WBP2NL: variants seen among roughly 807,000 people sequenced by gnomAD.
WBP2NL encodes the protein postacrosomal sheath WW domain-binding protein.
A neutral mutation model predicts 23.3 loss-of-function variants in WBP2NL; 27 were observed. The observed-to-expected ratio is 1.16, with a 90% CI of 0.85 to 1.60. The LOEUF (loss-of-function observed/expected upper bound fraction) is 1.60. WBP2NL is among the 40% of genes most tolerant of loss of function. WBP2NL has a pLI of 0.00. For missense variants in WBP2NL, 370 were observed against 389.5 expected, an observed-to-expected ratio of 0.95 and a Z score of 0.42; for synonymous variants, 151 against 145.9, an observed-to-expected ratio of 1.03 and a Z score of -0.25.
intron 8 of WBP2NL, chr22:42,058,287 C>T (rs531180193): frequency 6.6e-6 from 1 of 152,060 alleles, no homozygotes; most frequent in East Asian, 1.9e-4. Flanking sequence ...AATTTCCTTT[C>T]AGATACTCTA....
At chr22:42,054,195 A>T (rs560827755) in intron 8 of WBP2NL, among the ~76,000 whole-genome samples, 24 of 150,256 alleles carry the variant, frequency 1.6e-4, no homozygotes, top group South Asian at 8.4e-4. Flanking sequence ...TAAAAAAAAA[A>T]TTTTTTTTTT....
At chr22:42,056,951 G>A (rs963286778) in intron 8 of WBP2NL, among the ~76,000 whole-genome samples, 4 of 152,104 alleles carry the variant, frequency 2.6e-5, no homozygotes, top group Non-Finnish European at 5.9e-5. Context: ...AGACTCCCTT[G>A]TGTGATGAGT....
intron 8 of WBP2NL, among the ~76,000 whole-genome samples, chr22:42,044,486 C>T (rs76100143): frequency 0.028 from 4,212 of 152,252 alleles, 189 homozygotes; most frequent in African/African-American, 0.096. Context: ...AACCAAATTT[C>T]GTTCTTTGAA....
At chr22:42,015,378 G>C (rs1317881934) in intron 1 of WBP2NL, among the ~76,000 whole-genome samples, 1 of 152,034 alleles carries the variant, frequency 6.6e-6, no homozygotes, top group Non-Finnish European at 1.5e-5. Flanking sequence ...TTACAACTCT[G>C]CCTTCACCTT....
chr22:42,011,003 C>G (rs73418933), intron 1 of WBP2NL, among the ~76,000 whole-genome samples: 7,653 of 152,166 alleles, frequency 0.05, 630 homozygotes, highest in African/African-American at 0.17. Flanking sequence ...AGTGTATAGT[C>G]CTTTTAATGT....
At chr22:42,009,400 C>T (rs539985910) in intron 1 of WBP2NL, among the ~76,000 whole-genome samples, 6 of 152,116 alleles carry the variant, frequency 3.9e-5, no homozygotes, top group African/African-American at 1.2e-4. Context: ...TCCAATGTCA[C>T]GAAGATTTTC....
Position 42,037,997 on chromosome 22 carries a change from T to G in WBP2NL, c.*273+7174T>G, listed in dbSNP as rs1925254491. On this transcript the variant is annotated intron_variant and NMD_transcript_variant, in intron 8 of 8. Coordinates refer to the WBP2NL transcript ENST00000436265. ...CTTGCCTGATTGCCCTGGCTATGAC[T>G]TCCAGTACTATGTTGATTAACAGTG... Among the ~76,000 whole-genome samples the G allele has an allele frequency of 2.6e-5, 4 of 152,298 alleles. No homozygotes were observed. In the South Asian group the frequency reaches 8.3e-4, roughly 32 times the overall value.
In WBP2NL at chr22:42,021,235, TA is replaced by T. The variant is rs1923947839; in HGVS notation, c.407-1012del. Among the ~76,000 whole-genome samples the T allele has an allele frequency of 3.3e-5, 5 of 151,984 alleles. No individual in the cohort carries two copies. The South Asian group carries it at 1.0e-3, about 32-fold the overall frequency. ...ACGCCTGGCCGGTCCTTGCGATCTT[TA>T]ACCCATGGCTTCCATGGCCTCTTTG... On this transcript the variant is annotated intron_variant, in intron 4 of 5. Coordinates refer to ENST00000328823, the MANE Select transcript of WBP2NL (RefSeq NM_152613.3).
In WBP2NL at chr22:42,027,251, AG is replaced by A. The variant is rs1395249539; in HGVS notation, c.*72del. On this transcript the variant is annotated 3_prime_UTR_variant, in exon 6 of 6. Coordinates refer to ENST00000328823, the MANE Select transcript of WBP2NL (RefSeq NM_152613.3). ...CCCTAAAATTGAAGTCAGGATAAGGAGGACGACTCAGGTATGTGATCACAGG... is the reference window on the plus strand; with the variant it reads ...CCCTAAAATTGAAGTCAGGATAAGGAGACGACTCAGGTATGTGATCACAGG... 19 of 1,515,778 alleles carry A rather than the reference AG, an allele frequency of 1.3e-5. No homozygotes were observed. The East Asian group carries it at 4.1e-4, about 33-fold the overall frequency. The allele number at this position is 1,515,778 out of a possible 1,614,324, so 93.9% of individuals were successfully genotyped here.
At position 42,020,058 on chromosome 22, in the gene WBP2NL, T is replaced by C. The variant is rs1298839631; in HGVS notation, c.368T>C (p.Ile123Thr). The C allele has an allele frequency of 1.9e-6, 3 of 1,614,146 alleles. No individual in the cohort carries two copies. Among genetic ancestry groups the C allele is most frequent in the Non-Finnish European group, 2.5e-6 (3 of 1,179,996 alleles). Residue 123 changes from isoleucine (I) to threonine (T), a missense_variant, in exon 4 of 6, where the codon ATT becomes ACT. Physicochemically the swap from Ile to Thr is moderately conservative, Grantham distance 89. Coordinates refer to ENST00000328823, the MANE Select transcript of WBP2NL (RefSeq NM_152613.3). Reference protein sequence around the residue: ...FKLVFRNGDAIEFAQLMVKAA... With the variant: ...FKLVFRNGDATEFAQLMVKAA... ...TTAGTCTTCAGAAATGGAGATGCCA[T>C]TGAATTTGCCCAGTTGATGGTGAAA...
At chr22:42,049,952 G>C (rs779705992) in intron 8 of WBP2NL, among the ~76,000 whole-genome samples, 1 of 142,244 alleles carries the variant, frequency 7.0e-6, no homozygotes. Flanking sequence ...ACTCCGGCCT[G>C]GGCAAAGAAG....
intron 4 of WBP2NL, 147 bp from the exon 5 acceptor site, chr22:42,022,102 T>C (rs1924033881): frequency 9.0e-6 from 6 of 667,290 alleles, no homozygotes; most frequent in Non-Finnish European, 1.3e-5. Context: ...ACCCAGCCCA[T>C]GTTTCTTTTT....
intron 5 of WBP2NL, among the ~76,000 whole-genome samples, chr22:42,026,224 A>G (rs983933058): frequency 1.3e-5 from 2 of 151,346 alleles, no homozygotes; most frequent in African/African-American, 4.8e-5. Flanking sequence ...GTGAGCCAAG[A>G]TCGCGCCACT....
chr22:42,000,666 C>T (rs556571785), intron 1 of WBP2NL, among the ~76,000 whole-genome samples: 1 of 151,994 alleles, frequency 6.6e-6, no homozygotes, highest in East Asian at 1.9e-4. Context: ...CGGTGGCCCA[C>T]GCCTGTAATC....
intron 1 of WBP2NL, chr22:42,003,460 G>A (rs149675633): frequency 3.3e-4 from 50 of 152,212 alleles, no homozygotes; most frequent in African/African-American, 1.0e-3. Flanking sequence ...AGGATTAATC[G>A]AAACAACAGT....
chr22:42,024,516 AT>A (rs923273858), intron 5 of WBP2NL, among the ~76,000 whole-genome samples: 7 of 151,936 alleles, frequency 4.6e-5, no homozygotes, highest in African/African-American at 1.7e-4. Context: ...AAAAAAAAAA[AT>A]CTATATTAAA....
chr22:42,001,632 A>G (rs1231941183), intron 1 of WBP2NL: 2 of 1,141,492 alleles, frequency 1.8e-6, no homozygotes, highest in Non-Finnish European at 2.7e-6. Context: ...TTCCCTGCAA[A>G]GTAGCGCCAA....
intron 1 of WBP2NL, chr22:42,001,798 A>G: frequency 8.2e-7 from 1 of 1,218,898 alleles, no homozygotes; most frequent in Non-Finnish European, 1.2e-6. Flanking sequence ...CAGACCATGC[A>G]GTCTCTAATG....
intron 8 of WBP2NL, among the ~76,000 whole-genome samples, chr22:42,047,291 GAAAAT>G (rs1925629187): frequency 2.3e-5 from 2 of 88,058 alleles, no homozygotes; most frequent in African/African-American, 8.6e-5. Flanking sequence ...AAAAAAAAAA[GAAAAT>G]CGGAGCAGAG....
Sources: gnomAD v4.1 joint callset for allele counts (sites outside exome capture counted in the v4.1 genomes callset) on GRCh38, gnomAD v4.1.1 for gene constraint, MANE v1.5 for transcripts, NCBI Gene and HGNC (gene_info 2026-07-23, HGNC 2026-07-21) for gene names.